Variants in ZNF184 observed in about 807,000 individuals in gnomAD.
The protein encoded by ZNF184 is zinc finger protein 184.
In ZNF184, 16 loss-of-function variants were observed where a neutral mutation model predicts 54.4. The observed-to-expected ratio is 0.29, with a 90% CI of 0.20 to 0.45. The LOEUF (loss-of-function observed/expected upper bound fraction) is 0.45. Ranked by LOEUF, ZNF184 falls within the 20% of genes least tolerant of loss-of-function variation. The pLI is 1.00. For synonymous variants in ZNF184, 254 were observed against 295.3 expected, an observed-to-expected ratio of 0.86 and a Z score of 1.43; for missense variants, 681 against 888.2, an observed-to-expected ratio of 0.77 and a Z score of 2.97.
At chr6:27,432,644 CT>C in the ZNF184 span, among the ~76,000 whole-genome samples, 1 of 152,278 alleles carries the variant, frequency 6.6e-6, no homozygotes. This position sits in a 1 kb window ranked among gnomAD's most constrained non-coding sequence, Gnocchi z 4.0. Context: ...GTGGTTTCCT[CT>C]TCTCATCCTT....
rs61602778 is a variant in ZNF184, at chr6:27,465,016, C to CAAAAAAAAAAAAAAAAAAAA, written c.75+2817_75+2836dup. On this transcript the variant is annotated intron_variant, in intron 3 of 5. Transcript: ENST00000683788. ...TGGGCGACAGAGCAAGACTCTGTCTCAAAAAAAAAAAAAAAAAAAAATAGA... is the reference window on the plus strand; with the variant it reads ...TGGGCGACAGAGCAAGACTCTGTCTCAAAAAAAAAAAAAAAAAAAAAAAAAAAAAAAAAAAAAAAAATAGA... Among the ~76,000 whole-genome samples, 27 of 48,916 alleles carry CAAAAAAAAAAAAAAAAAAAA rather than the reference C, an allele frequency of 5.5e-4. 1 individual carries two copies. The highest frequency in any genetic ancestry group is 8.2e-4 in the South Asian group (1 of 1,220). 32.1% of individuals were successfully genotyped at this position (48,916 alleles called of 152,430 possible). A position where few individuals can be genotyped will look rare whatever the true frequency, so the allele number is the denominator to read the frequency against.
At chr6:27,459,803 C>G (rs1561839361) in intron 3 of ZNF184, among the ~76,000 whole-genome samples, 1 of 152,258 alleles carries the variant, frequency 6.6e-6, no homozygotes, top group East Asian at 1.9e-4. Context: ...ATAGTACACC[C>G]ATACTAAAAC....
At chr6:27,425,312 G>A in the ZNF184 span, among the ~76,000 whole-genome samples, 1 of 152,250 alleles carries the variant, frequency 6.6e-6, no homozygotes, top group African/African-American at 2.4e-5. Flanking sequence ...CCCAAGTGCC[G>A]CCAAAGTGGG....
chr6:27,424,100 TCA>T, the ZNF184 span, among the ~76,000 whole-genome samples: 3 of 152,198 alleles, frequency 2.0e-5, no homozygotes, highest in African/African-American at 7.2e-5. Context: ...TTAGATGTGT[TCA>T]GTTTCTTCCT....
At chr6:27,468,377 T>G (rs1461298106) in intron 2 of ZNF184, among the ~76,000 whole-genome samples, 1 of 152,200 alleles carries the variant, frequency 6.6e-6, no homozygotes, top group Non-Finnish European at 1.5e-5. Flanking sequence ...ACAGACATGG[T>G]CAATACTAAT....
At chr6:27,463,524 G>A (rs992667411) in intron 3 of ZNF184, among the ~76,000 whole-genome samples, 2 of 152,042 alleles carry the variant, frequency 1.3e-5, no homozygotes, top group Non-Finnish European at 2.9e-5. Flanking sequence ...TTGGAGTACT[G>A]GGGCAGGAGG....
Position 27,453,032 on chromosome 6 carries a change from T to A in ZNF184, c.527A>T (p.Lys176Ile). 9 of 1,614,100 alleles carry A rather than the reference T, an allele frequency of 5.6e-6. No individual in the cohort carries two copies. Among genetic ancestry groups the A allele is most frequent in the Non-Finnish European group, 7.6e-6 (9 of 1,180,000 alleles). The change falls in exon 6 of 6, where the codon AAA becomes ATA. Residue 176 changes from lysine to isoleucine, a missense_variant. Transcript: ENST00000683788. This position sits in a 1 kb window ranked among gnomAD's most constrained non-coding sequence, Gnocchi z 4.7. ...VTEKTIPSWE[K>I]GPVNNEFGKS... is the part of the protein sequence containing the mutation. Reference sequence around the variant, plus strand: ...CCCAAATTCATTATTTACAGGGCCTTTTTCCCAACTGGGTATTGTCTTTTC... The same window carrying A: ...CCCAAATTCATTATTTACAGGGCCTATTTCCCAACTGGGTATTGTCTTTTC...
chr6:27,424,192 G>A, the ZNF184 span, among the ~76,000 whole-genome samples: 7 of 152,292 alleles, frequency 4.6e-5, no homozygotes, highest in African/African-American at 9.6e-5. Context: ...TTAAGGCACC[G>A]CGTCTGGAGT....
At chr6:27,407,822 T>C in the ZNF184 span, 2 of 780,392 alleles carry the variant, frequency 2.6e-6, no homozygotes, top group Non-Finnish European at 4.8e-6. Flanking sequence ...ATTTGCTTGA[T>C]GGTTTAGAAA....
chr6:27,467,531 G>A (rs1763170311), intron 3 of ZNF184, among the ~76,000 whole-genome samples: 1 of 152,130 alleles, frequency 6.6e-6, no homozygotes, highest in Admixed American at 6.5e-5. Flanking sequence ...GCAGGCGGAG[G>A]TTGCAGTGAG....
chr6:27,414,919 T>G, the ZNF184 span, among the ~76,000 whole-genome samples: 2 of 152,162 alleles, frequency 1.3e-5, no homozygotes, highest in African/African-American at 4.8e-5. Context: ...AAAACACCCA[T>G]GGGCTCACGC....
In ZNF184 at chr6:27,451,479, C is replaced by T. The variant is rs1417725306; in HGVS notation, c.2080G>A (p.Gly694Arg). Residue 694 changes from glycine (G) to arginine (R), a missense_variant, in exon 6 of 6, where the codon GGA (glycine) becomes AGA (arginine). Gly to Arg is a moderately radical substitution (Grantham distance 125). Coordinates refer to ENST00000683788, the MANE Select transcript of ZNF184 (RefSeq NM_001318891.2). ...HLTEHQNTHT[G>R]EKPYNCNECR... ...TCATTACAGTTATAAGGTTTCTCTC[C>T]AGTATGAGTATTCTGATGTTCAGTC... 1 of 1,614,112 alleles carries T rather than the reference C, an allele frequency of 6.2e-7. No homozygotes were observed. Among genetic ancestry groups the T allele is most frequent in the South Asian group, 1.1e-5 (1 of 91,082 alleles).
Position 27,456,830 on chromosome 6 carries a change from A to G in ZNF184, c.294T>C (p.Cys98=). ...CTGCTGGCATCCATGACTTACCTGC[A>G]CAGGTACCTACTGGAATGCTTGGCT... ...IMEPSIPVGT[C]ADWETRLENS... is the part of the protein sequence containing the mutation. The change falls in exon 5 of 6, where the codon TGT becomes TGC. Residue 98 remains cysteine, a synonymous_variant. Coordinates refer to ENST00000683788, the MANE Select transcript of ZNF184 (RefSeq NM_001318891.2). 1.9e-6 allele frequency: 3 copies of G among 1,613,910 alleles called. No individual in the cohort carries two copies. Among genetic ancestry groups the G allele is most frequent in the Non-Finnish European group, 8.5e-7 (1 of 1,179,866 alleles).
the ZNF184 span, among the ~76,000 whole-genome samples, chr6:27,430,907 C>T: frequency 1.3e-5 from 2 of 152,202 alleles, no homozygotes; most frequent in African/African-American, 4.8e-5. Context: ...CACTTTCTTG[C>T]TGGGACTCTG....
At chr6:27,438,719 TG>T in the ZNF184 span, among the ~76,000 whole-genome samples, 675 of 152,302 alleles carry the variant, frequency 4.4e-3, 2 homozygotes, top group Admixed American at 5.5e-3. Flanking sequence ...ATTAAGAATT[TG>T]GGGGCCATTT....
chr6:27,439,465 G>A, the ZNF184 span, among the ~76,000 whole-genome samples: 1 of 152,142 alleles, frequency 6.6e-6, no homozygotes, highest in Non-Finnish European at 1.5e-5. Context: ...ATCCAACCAT[G>A]GACATTGCCA....
downstream of ZNF184, among the ~76,000 whole-genome samples, chr6:27,448,767 T>C (rs889361894): frequency 7.2e-6 from 1 of 138,802 alleles, no homozygotes; most frequent in Non-Finnish European, 1.5e-5. Context: ...GCATTTCCTT[T>C]TTTTTTTTCC....
the ZNF184 span, among the ~76,000 whole-genome samples, chr6:27,431,482 GA>G: frequency 6.6e-6 from 1 of 152,212 alleles, no homozygotes; most frequent in Non-Finnish European, 1.5e-5. Context: ...CAGTTGGACA[GA>G]AATAAAAATT....
At chr6:27,409,395 A>T in the ZNF184 span, among the ~76,000 whole-genome samples, 1 of 147,732 alleles carries the variant, frequency 6.8e-6, no homozygotes, top group South Asian at 2.3e-4. Context: ...GCTACTCAGG[A>T]GGCTGAGGCA....
Sources: allele counts gnomAD v4.1 joint callset (sites outside exome capture counted in the v4.1 genomes callset), GRCh38; gene constraint gnomAD v4.1.1; non-coding constraint Gnocchi (gnomAD v3.1); transcripts MANE v1.5; gene names NCBI Gene and HGNC (gene_info 2026-07-23, HGNC 2026-07-21).